The following GAK variants were observed in gnomAD, a reference collection of about 807,000 sequenced individuals.
GAK encodes the protein cyclin G associated kinase.
In GAK, 79 loss-of-function variants were observed where a neutral mutation model predicts 143.9. The ratio of observed to expected loss-of-function variants is 0.55; its 90% CI spans 0.46 to 0.66. The LOEUF (loss-of-function observed/expected upper bound fraction) is 0.66. GAK is among the 30% of genes least tolerant of loss of function. GAK has a pLI of 0.00. For missense variants in GAK, 1,693 were observed against 1,779.7 expected (o/e 0.95, Z 0.88); for synonymous variants, 881 against 765.5 (o/e 1.15, Z -2.49).
chr4:896,570 CA>C (rs1718812780), intron 6 of GAK, 21 bp from the exon 7 acceptor site: 1 of 1,583,610 alleles, frequency 6.3e-7, no homozygotes. Context: ...ACAAACATTT[CA>C]AAGGAAAAGT....
At chr4:898,328 T>C (rs2306252) in intron 5 of GAK, among the ~76,000 whole-genome samples, 170 bp from the exon 6 acceptor site, 22,559 of 152,220 alleles carry the variant, frequency 0.15, 1,840 homozygotes, top group South Asian at 0.29. Context: ...CAGCCAGCTC[T>C]GCACCAGCAG....
intron 14 of GAK, 68 bp from the exon 15 acceptor site, chr4:882,108 G>C (rs78822342): frequency 6.7e-7 from 1 of 1,499,594 alleles, no homozygotes; most frequent in South Asian, 1.2e-5. Flanking sequence ...CGGGGTCCTC[G>C]GGCATCCTAC....
chr4:914,464 G>A (rs1355816205), intron 1 of GAK, among the ~76,000 whole-genome samples: 4 of 67,694 alleles, frequency 5.9e-5, no homozygotes, highest in Admixed American at 2.1e-4. Context: ...CAGCCCCAGT[G>A]TGCACGGCCC....
intron 12 of GAK, 123 bp downstream of exon 12, chr4:883,914 G>T: frequency 1.0e-6 from 1 of 975,776 alleles, no homozygotes. Flanking sequence ...GGTCACCCCT[G>T]TGAGTCTGTG....
At chr4:892,882 AC>A (rs1162258589) in intron 9 of GAK, among the ~76,000 whole-genome samples, 2 of 152,108 alleles carry the variant, frequency 1.3e-5, no homozygotes, top group African/African-American at 4.8e-5. Flanking sequence ...GAGTGCGAAG[AC>A]CTTGGCAATG....
intron 27 of GAK, 59 bp from the exon 28 acceptor site, chr4:849,833 G>GGGGGGGGGGCCCCCCCC: frequency 2.5e-6 from 3 of 1,190,148 alleles, no homozygotes; most frequent in Non-Finnish European, 3.5e-6. Flanking sequence ...GGCGGGGCAG[G>GGGGGGGGGGCCCCCCCC]ACCCCCCCCC....
chr4:926,401 GA>G (rs1363278681), intron 1 of GAK, among the ~76,000 whole-genome samples: 2 of 152,138 alleles, frequency 1.3e-5, no homozygotes, highest in Admixed American at 6.5e-5. Flanking sequence ...CGGGGGCCAG[GA>G]CAGGGGCCCT....
intron 15 of GAK, among the ~76,000 whole-genome samples, chr4:879,663 T>C (rs543423609): frequency 2.0e-5 from 3 of 152,328 alleles, no homozygotes; most frequent in South Asian, 2.1e-4. Context: ...TTCATCTTGC[T>C]TTCATCCTGC....
At chr4:892,027 G>A (rs1229081229) in intron 9 of GAK, among the ~76,000 whole-genome samples, 1 of 152,168 alleles carries the variant, frequency 6.6e-6, no homozygotes, top group East Asian at 1.9e-4. Flanking sequence ...TCTGCACTGG[G>A]CTTCCCAGCA....
chr4:903,199 A>G (rs1273372874), intron 5 of GAK, among the ~76,000 whole-genome samples: 1 of 152,114 alleles, frequency 6.6e-6, no homozygotes, highest in Non-Finnish European at 1.5e-5. Flanking sequence ...GTCTAGAAGC[A>G]TCTGTGTGGC....
chr4:920,287 G>T (rs369167516), intron 1 of GAK, among the ~76,000 whole-genome samples: 1 of 147,998 alleles, frequency 6.8e-6, no homozygotes, highest in Non-Finnish European at 1.5e-5. Flanking sequence ...CAACCTGGGC[G>T]ACAGAGCAAA....
chr4:882,959 G>A, intron 13 of GAK, 140 bp from the exon 14 acceptor site: 1 of 1,084,086 alleles, frequency 9.2e-7, no homozygotes, highest in South Asian at 1.5e-5. Flanking sequence ...CGCGAGACCT[G>A]AGCACCAGGG....
At chr4:875,221 T>C (rs1462037963) in intron 18 of GAK, among the ~76,000 whole-genome samples, 1 of 152,208 alleles carries the variant, frequency 6.6e-6, no homozygotes, top group Non-Finnish European at 1.5e-5. Context: ...CCACCGTGGC[T>C]GAAAACTCTA....
intron 1 of GAK, 66 bp from the exon 2 acceptor site, chr4:913,734 T>C (rs941924518): frequency 5.4e-6 from 7 of 1,287,166 alleles, no homozygotes; most frequent in Non-Finnish European, 6.8e-6. Flanking sequence ...GCTTTAAAAA[T>C]ACCTTCACTA....
In GAK at chr4:849,790, G is replaced by A. The variant is rs562641312; in HGVS notation, c.3835-16C>T. 228 of 1,606,328 alleles carry A rather than the reference G, an allele frequency of 1.4e-4. No homozygotes were observed. Among genetic ancestry groups the A allele is most frequent in the Admixed American group, 3.2e-4 (19 of 59,632 alleles). The stretch of plus-strand genomic sequence containing the variant: ...GCCCCGCAGCCTATGGGTGACAGGC[G>A]GTGTAAGCGCCTCTTATAAGCATGC... On this transcript the variant is annotated splice_polypyrimidine_tract_variant and intron_variant, in intron 27 of 27. Transcript: ENST00000314167.
chr4:920,637 G>A (rs1294728481), intron 1 of GAK, among the ~76,000 whole-genome samples: 2 of 145,364 alleles, frequency 1.4e-5, no homozygotes, highest in African/African-American at 2.6e-5. Flanking sequence ...TCCGCCTCCC[G>A]GGTTCAAGCG....
chr4:899,403 C>A (rs1263201818), intron 5 of GAK, among the ~76,000 whole-genome samples: 1 of 151,214 alleles, frequency 6.6e-6, no homozygotes, highest in Non-Finnish European at 1.5e-5. Flanking sequence ...GTGCTCGGCA[C>A]ACACGCGGTC....
At chr4:870,606 C>CA (rs1712355740) in intron 19 of GAK, 105 bp downstream of exon 19, 2 of 1,186,254 alleles carry the variant, frequency 1.7e-6, no homozygotes, top group Non-Finnish European at 1.2e-6. Context: ...CTGGGTGCAG[C>CA]AGCAGGCGTG....
intron 19 of GAK, among the ~76,000 whole-genome samples, chr4:870,244 G>A (rs1030014398): frequency 1.3e-5 from 2 of 152,238 alleles, no homozygotes; most frequent in African/African-American, 4.8e-5. Context: ...CATGAGCAGT[G>A]GACGGCCCTG....
Sources: gnomAD v4.1 joint callset for allele counts (sites outside exome capture counted in the v4.1 genomes callset) on GRCh38, gnomAD v4.1.1 for gene constraint, MANE v1.5 for transcripts, NCBI Gene and HGNC (gene_info 2026-07-23, HGNC 2026-07-21) for gene names.